Variants in TENM2 observed in about 807,000 individuals in gnomAD.
TENM2 encodes the protein teneurin transmembrane protein 2, also known as teneurin-2.
Under a neutral mutation model 245.2 loss-of-function variants are expected in TENM2, and 52 were observed. The observed-to-expected ratio is 0.21, with a 90% CI of 0.17 to 0.27. TENM2 has a LOEUF of 0.27. TENM2 is among the 10% of genes least tolerant of loss of function. The probability of loss-of-function intolerance (pLI) is 1.00; values close to 1 mark genes in which losing one functional copy is unlikely to be tolerated. For synonymous variants in TENM2, 1,363 were observed against 1,438.9 expected, an observed-to-expected ratio of 0.95 and a Z score of 1.19; for missense variants, 3,046 against 3,666.8, an observed-to-expected ratio of 0.83 and a Z score of 4.37.
chr5:168,172,607 G>T (rs201626442), intron 13 of TENM2, among the ~76,000 whole-genome samples: 1 of 152,202 alleles, frequency 6.6e-6, no homozygotes, highest in East Asian at 1.9e-4. Context: ...TGTTTGTTGT[G>T]TTTGGGCTCA....
rs147446504 is a variant in TENM2 at position 168,087,502 on chromosome 5, G to A, written c.1516-3072G>A. On this transcript the variant is annotated intron_variant, in intron 7 of 28. Coordinates refer to ENST00000518659, the Ensembl canonical transcript of TENM2. ...CAGGTGCCTGTAATCCCAGCTACTCGGGAGGCTGAGGCTGGAGAATTGCTT... is the reference window on the plus strand; with the variant it reads ...CAGGTGCCTGTAATCCCAGCTACTCAGGAGGCTGAGGCTGGAGAATTGCTT... 603 of 152,506 alleles carry A rather than the reference G, an allele frequency of 4.0e-3. 5 individuals are homozygous for A. The highest frequency in any genetic ancestry group is 0.014 in the African/African-American group (573 of 41,490). The allele number at this position is 152,506 out of a possible 1,614,324, so 9.4% of individuals were successfully genotyped here.
At chr5:168,053,330 C>T (rs1789269292) in intron 6 of TENM2, among the ~76,000 whole-genome samples, 3 of 152,182 alleles carry the variant, frequency 2.0e-5, no homozygotes, top group Non-Finnish European at 4.4e-5. Context: ...TTGTACATAG[C>T]ATCATGGTGG....
chr5:168,049,739 A>G (rs1483374562), intron 6 of TENM2, among the ~76,000 whole-genome samples: 1 of 152,248 alleles, frequency 6.6e-6, no homozygotes. Flanking sequence ...TAGAAGTCAT[A>G]TAACATTACT....
chr5:167,551,375 G>C (rs578125151), intron 2 of TENM2, among the ~76,000 whole-genome samples: 1 of 152,224 alleles, frequency 6.6e-6, no homozygotes, highest in African/African-American at 2.4e-5. Context: ...CAACCTGAAA[G>C]CAAAACATAA....
the TENM2 span, among the ~76,000 whole-genome samples, chr5:166,993,029 C>G: frequency 6.6e-6 from 1 of 152,052 alleles, no homozygotes; most frequent in South Asian, 2.1e-4. Context: ...TCCCCTCTCC[C>G]CTCCCCCACT....
At chr5:168,246,872 C>T (rs1452462047) in exon 27 of TENM2, 1 of 1,614,022 alleles carries the variant, frequency 6.2e-7, no homozygotes, top group Middle Eastern at 1.6e-4. Context: ...TCCACACACA[C>T]CTCCATCGGC....
chr5:168,200,423 G>C (rs1761833772), intron 17 of TENM2, among the ~76,000 whole-genome samples: 1 of 152,226 alleles, frequency 6.6e-6, no homozygotes, highest in African/African-American at 2.4e-5. Flanking sequence ...ATTTAGGGAA[G>C]GCTCCTCTGC....
the TENM2 span, among the ~76,000 whole-genome samples, chr5:167,092,120 G>T: frequency 6.6e-6 from 1 of 152,058 alleles, no homozygotes; most frequent in South Asian, 2.1e-4. Context: ...CCTGCCCCCT[G>T]TTTTTGTGTG....
At chr5:167,895,648 AT>A in intron 3 of TENM2, among the ~76,000 whole-genome samples, 1 of 152,342 alleles carries the variant, frequency 6.6e-6, no homozygotes, top group South Asian at 2.1e-4. Flanking sequence ...CCTATGCCAG[AT>A]TTATTTAATT....
At chr5:168,013,176 T>C (rs975754188) in intron 5 of TENM2, among the ~76,000 whole-genome samples, 5 of 152,200 alleles carry the variant, frequency 3.3e-5, no homozygotes, top group Non-Finnish European at 7.3e-5. Context: ...CTGTGTTATA[T>C]GTCTATCCCT....
intron 5 of TENM2, among the ~76,000 whole-genome samples, chr5:168,008,994 A>G (rs1785026592): frequency 6.6e-6 from 1 of 152,314 alleles, no homozygotes; most frequent in Admixed American, 6.5e-5. Context: ...TTTGTATGGA[A>G]GTCTATAGAG....
At chr5:168,049,320 C>T (rs1449672021) in intron 6 of TENM2, among the ~76,000 whole-genome samples, 3 of 152,192 alleles carry the variant, frequency 2.0e-5, no homozygotes, top group Non-Finnish European at 4.4e-5. Flanking sequence ...CCATAAATGT[C>T]CTTTAATCTA....
chr5:168,163,741 T>C (rs1757953626), intron 13 of TENM2, among the ~76,000 whole-genome samples: 1 of 152,190 alleles, frequency 6.6e-6, no homozygotes, highest in South Asian at 2.1e-4. Context: ...AATTACAAAG[T>C]TTTCCAGTGT....
At chr5:167,879,802 G>A (rs1008501172) in intron 3 of TENM2, among the ~76,000 whole-genome samples, 3 of 152,138 alleles carry the variant, frequency 2.0e-5, no homozygotes, top group Non-Finnish European at 4.4e-5. Context: ...CAAAAGAGCT[G>A]TCCCAGTCAG....
At chr5:167,833,737 G>A (rs184938583) in intron 2 of TENM2, among the ~76,000 whole-genome samples, 50 of 152,282 alleles carry the variant, frequency 3.3e-4, no homozygotes, top group African/African-American at 1.1e-3. Context: ...AAATGTTGAC[G>A]CTTCCTTTTT....
chr5:167,259,386 A>T, the TENM2 span, among the ~76,000 whole-genome samples: 1 of 152,190 alleles, frequency 6.6e-6, no homozygotes, highest in Non-Finnish European at 1.5e-5. Context: ...GGAAATATAT[A>T]TTTCATGTGT....
intron 3 of TENM2, among the ~76,000 whole-genome samples, chr5:167,904,371 G>A (rs961450350): frequency 2.6e-5 from 4 of 152,208 alleles, no homozygotes; most frequent in African/African-American, 9.6e-5. Flanking sequence ...GTAAAGAAGG[G>A]ATAAAGATAG....
chr5:168,011,497 G>C (rs1785216822), intron 5 of TENM2, among the ~76,000 whole-genome samples: 1 of 152,166 alleles, frequency 6.6e-6, no homozygotes, highest in Non-Finnish European at 1.5e-5. Context: ...ATAGTGCCAA[G>C]GTTGAAAATT....
At chr5:167,573,718 C>CATGT (rs1774441958) in intron 2 of TENM2, among the ~76,000 whole-genome samples, 1 of 152,088 alleles carries the variant, frequency 6.6e-6, no homozygotes, top group South Asian at 2.1e-4. Flanking sequence ...GAGTTTTAGG[C>CATGT]ATGTATGCAG....
Sources: gnomAD v4.1 joint callset for allele counts (sites outside exome capture counted in the v4.1 genomes callset) on GRCh38, gnomAD v4.1.1 for gene constraint, MANE v1.5 for transcripts, NCBI Gene and HGNC (gene_info 2026-07-23, HGNC 2026-07-21) for gene names.